Variants in NPL observed in about 807,000 individuals in gnomAD.
NPL encodes N-acetylneuraminate pyruvate lyase.
In NPL, 32 loss-of-function variants were observed where a neutral mutation model predicts 41.1. That is an observed-to-expected ratio of 0.78 (90% CI 0.59 to 1.05). NPL has a LOEUF of 1.05. NPL is among the 50% of genes least tolerant of loss of function. NPL has a pLI of 0.00. For missense variants in NPL, 321 were observed against 378.4 expected (o/e 0.85, Z 1.26); for synonymous variants, 128 against 134.9 (o/e 0.95, Z 0.35).
chr1:182,827,867 C>T (rs1169447845), intron 12 of NPL, among the ~76,000 whole-genome samples: 2 of 152,144 alleles, frequency 1.3e-5, no homozygotes, highest in African/African-American at 4.8e-5. Flanking sequence ...ACCCATTGAA[C>T]ATTAGGTTGT....
In NPL at chr1:182,826,134, TTCAGCC is replaced by T. The variant is rs562134606; in HGVS notation, c.778+316_778+321del. 31 of 444,356 alleles carry T rather than the reference TTCAGCC, an allele frequency of 7.0e-5. 2 individuals carry two copies. Among genetic ancestry groups the T allele is most frequent in the African/African-American group, 5.5e-4 (28 of 50,576 alleles). The allele number at this position is 444,356 out of a possible 1,614,324, so 27.5% of individuals were successfully genotyped here. On this transcript the variant is annotated intron_variant, in intron 12 of 12. Transcript: ENST00000367553. ...ATTCTACTACTGCATTGAGGTTGAT[TTCAGCC>T]TAAGTGCTTGGAGGAAGGCAGTCTA... is the stretch of plus-strand genomic sequence containing the variant.
At chr1:182,800,835 TCC>T (rs1253301905) in intron 3 of NPL, among the ~76,000 whole-genome samples, 1 of 143,794 alleles carries the variant, frequency 7.0e-6, no homozygotes, top group Non-Finnish European at 1.5e-5. Context: ...GTTCAAGCAA[TCC>T]TGCCTCAGCA....
chr1:182,809,689 A>G (rs1161339093), intron 5 of NPL, among the ~76,000 whole-genome samples: 2 of 152,158 alleles, frequency 1.3e-5, no homozygotes, highest in South Asian at 2.1e-4. Flanking sequence ...TCTGCCCAGA[A>G]CAAGGAGTTG....
chr1:182,806,343 G>A lies in NPL; in HGVS notation c.230+111G>A, dbSNP rs1172379428. 3 of 1,560,216 alleles carry A rather than the reference G, an allele frequency of 1.9e-6. No individual in the cohort carries two copies. The South Asian group carries it at 3.5e-5, about 18-fold the overall frequency. ...TTCCTGGTCAGAGCCGGGGCTTGAG[G>A]TCAGCTGGTGGGAAGATGAGCAGGG... On this transcript the variant is annotated intron_variant, in intron 5 of 12. Transcript: ENST00000367553.
intron 7 of NPL, among the ~76,000 whole-genome samples, chr1:182,816,372 CTT>C (rs1404165926): frequency 1.3e-5 from 2 of 152,180 alleles, no homozygotes; most frequent in Non-Finnish European, 2.9e-5. Flanking sequence ...ACTGTTCACA[CTT>C]AGCCTTTTTG....
chr1:182,803,723 C>G lies in NPL; in HGVS notation c.94C>G (p.Gln32Glu). Residue 32 changes from glutamine (Q) to glutamate (E), a missense_variant, in exon 4 of 13, where the codon CAG (glutamine) becomes GAG (glutamate). Coordinates refer to ENST00000367553, the MANE Select transcript of NPL (RefSeq NM_030769.3). ...AGAAATCAACTTTTCAGTAATTGGT[C>G]AGTATGTGGATTATCTTGTGAAAGA... ...NGEINFSVIGQYVDYLVKEQG... is the reference protein window; with the variant it reads ...NGEINFSVIGEYVDYLVKEQG... 6.2e-7 allele frequency: 1 copy of G among 1,612,966 alleles called. No individual in the cohort carries two copies. The highest frequency in any genetic ancestry group is 8.5e-7 in the Non-Finnish European group (1 of 1,179,018).
intron 5 of NPL, chr1:182,806,652 G>A (rs771492515): frequency 2.6e-6 from 3 of 1,138,126 alleles, no homozygotes; most frequent in Admixed American, 2.5e-5. Context: ...TCTCCTGACA[G>A]GTCTCTGTGC....
In NPL at chr1:182,828,960, T is replaced by G; in HGVS notation, c.*52T>G. 6.2e-7 allele frequency: 1 copy of G among 1,609,456 alleles called. No homozygotes were observed. The highest frequency in any genetic ancestry group is 8.5e-7 in the Non-Finnish European group (1 of 1,179,508). On this transcript the variant is annotated 3_prime_UTR_variant, in exon 13 of 13. Transcript: ENST00000367553. The surrounding 1 kb of genome is among the most constrained non-coding windows in gnomAD (Gnocchi z 4.0). ...ACCTTGAGACATAATCTACCTTAAA[T>G]AGTGCATTTTTTTCTCAGGGAATTT...
intron 12 of NPL, 47 bp downstream of exon 12, chr1:182,825,867 A>G (rs1257810101): frequency 1.5e-6 from 2 of 1,366,094 alleles, no homozygotes; most frequent in Non-Finnish European, 2.1e-6. Flanking sequence ...GAGACTGTAA[A>G]GAAAATGGAA....
chr1:182,797,940 G>T (rs2102530331), intron 3 of NPL, among the ~76,000 whole-genome samples: 1 of 152,300 alleles, frequency 6.6e-6, no homozygotes, highest in Non-Finnish European at 1.5e-5. Context: ...GTTATTTTAT[G>T]AGTGAATATA....
At chr1:182,812,240 G>C (rs769588948) in intron 6 of NPL, 27 bp downstream of exon 6, 1 of 1,600,838 alleles carries the variant, frequency 6.2e-7, no homozygotes, top group South Asian at 1.1e-5. Context: ...ATCTGGGAGA[G>C]ACCATTCAAG....
Position 182,825,781 on chromosome 1 carries a change from T to A in NPL, c.739T>A (p.Phe247Ile). 1 of 1,570,086 alleles carries A rather than the reference T, an allele frequency of 6.4e-7. No individual in the cohort carries two copies. The highest frequency in any genetic ancestry group is 8.8e-7 in the Non-Finnish European group (1 of 1,142,016). Reference protein sequence around the residue: ...KDFSLALNYQFCIQRFINFVV... With the variant: ...KDFSLALNYQICIQRFINFVV... The stretch of plus-strand genomic sequence containing the variant: ...CTATAGATATGTTGTTCTTTTCTAG[T>A]TTTGTATCCAGAGATTTATCAACTT... The change falls in exon 12 of 13, where the codon TTT (phenylalanine) becomes ATT (isoleucine). Residue 247 changes from phenylalanine (F) to isoleucine (I), a missense_variant and splice_region_variant. Transcript: ENST00000367553.
chr1:182,799,330 T>G (rs1184973185), intron 3 of NPL, among the ~76,000 whole-genome samples: 12 of 152,168 alleles, frequency 7.9e-5, no homozygotes, highest in Admixed American at 6.5e-4. Flanking sequence ...AAAAAGTAAT[T>G]ATACTCATCC....
intron 8 of NPL, among the ~76,000 whole-genome samples, chr1:182,817,792 T>C (rs1667375881): frequency 6.6e-6 from 1 of 152,202 alleles, no homozygotes. Flanking sequence ...TAGGGTAAGA[T>C]ATGTGAGAAG....
chr1:182,794,360 A>C lies in NPL; in HGVS notation c.-12A>C. On this transcript the variant is annotated 5_prime_UTR_variant, in exon 3 of 13. Coordinates refer to ENST00000367553, the MANE Select transcript of NPL (RefSeq NM_030769.3). ...ATTACATTGTATGTTTTCCAGACCT[A>C]CCAGCAGCTCAATGGCCTTCCCAAA... 6.2e-7 allele frequency: 1 copy of C among 1,613,836 alleles called. No homozygotes were observed.
At chr1:182,804,217 C>T (rs977945551) in intron 4 of NPL, among the ~76,000 whole-genome samples, 2 of 152,196 alleles carry the variant, frequency 1.3e-5, no homozygotes, top group African/African-American at 2.4e-5. Context: ...CAACCTCTAC[C>T]TCCCGGGTTC....
Position 182,814,541 on chromosome 1 carries a change from T to G in NPL, c.289-242T>G, listed in dbSNP as rs577450192. On this transcript the variant is annotated intron_variant, in intron 6 of 12. Transcript: ENST00000367553. The stretch of plus-strand genomic sequence containing the variant: ...CCACTTACGTCTCCTTAGCAAGGTT[T>G]TTTGTACTGACAAAATATGAAGTAT... 2.6e-5 allele frequency among the ~76,000 whole-genome samples: 4 copies of G among 152,340 alleles called. No individual in the cohort carries two copies. The East Asian group carries it at 7.7e-4, about 29-fold the overall frequency.
chr1:182,823,652 A>G (rs1484900410), intron 11 of NPL, among the ~76,000 whole-genome samples: 1 of 152,218 alleles, frequency 6.6e-6, no homozygotes, highest in East Asian at 1.9e-4. Flanking sequence ...TTTCCTAGAA[A>G]AGGTTATTTC....
rs1667004573 is a variant in NPL, at chr1:182,806,222, G to A, written c.220G>A (p.Gly74Arg). The change falls in exon 5 of 13, where the codon GGG (glycine) becomes AGG (arginine). Residue 74 changes from glycine to arginine, a missense_variant. By Grantham distance (125) the Gly-to-Arg change is moderately radical. Coordinates refer to ENST00000367553, the MANE Select transcript of NPL (RefSeq NM_030769.3). ...GGTTGCAGAGGAGTGGGTGACAAAA[G>A]GGAAGGACAAGTGAGTGGCTGCATG... is the stretch of plus-strand genomic sequence containing the variant. ...RQVAEEWVTKGKDKLDQVIIH... is the reference protein window; with the variant it reads ...RQVAEEWVTKRKDKLDQVIIH... 6.2e-7 allele frequency: 1 copy of A among 1,614,086 alleles called. No homozygotes were observed. Among genetic ancestry groups the A allele is most frequent in the Non-Finnish European group, 8.5e-7 (1 of 1,180,052 alleles).
Sources: gnomAD v4.1 joint callset for allele counts (sites outside exome capture counted in the v4.1 genomes callset) on GRCh38, gnomAD v4.1.1 for gene constraint, Gnocchi (gnomAD v3.1) non-coding constraint, MANE v1.5 for transcripts, NCBI Gene and HGNC (gene_info 2026-07-23, HGNC 2026-07-21) for gene names.